Variants in CCDC50 observed in about 807,000 individuals in gnomAD.
CCDC50 encodes coiled-coil domain-containing protein 50.
A neutral mutation model predicts 70.2 loss-of-function variants in CCDC50; 54 were observed. That is an observed-to-expected ratio of 0.77 (90% CI 0.62 to 0.96). CCDC50 has a LOEUF of 0.96. CCDC50 is among the 50% of genes least tolerant of loss of function. CCDC50 has a pLI of 0.00. For missense variants in CCDC50, 558 were observed against 578.7 expected (o/e 0.96, Z 0.37); for synonymous variants, 216 against 198.8 (o/e 1.09, Z -0.73).
At chr3:191,363,697 A>AATAGCTTGCCCT in intron 4 of CCDC50, among the ~76,000 whole-genome samples, 1 of 152,264 alleles carries the variant, frequency 6.6e-6, no homozygotes, top group South Asian at 2.1e-4. Flanking sequence ...CAGGTCTCCC[A>AATAGCTTGCCCT]CTAGCTTGCC....
chr3:191,336,012 A>G (rs552190781), intron 1 of CCDC50, among the ~76,000 whole-genome samples: 97 of 152,098 alleles, frequency 6.4e-4, no homozygotes, highest in Admixed American at 1.2e-3. Flanking sequence ...AAGATCATAT[A>G]GTAAGTAGTT....
At position 191,396,499 on chromosome 3, in the gene CCDC50, G is replaced by A. The variant is rs2108682117; in HGVS notation, c.*4739G>A. ...TTCTTGGCCAAATCCTTCATACCAG[G>A]TACCACTTCTTGAGTAACTGAGAGT... On this transcript the variant is annotated 3_prime_UTR_variant, in exon 12 of 12. Transcript: ENST00000392455. 1 of 152,256 alleles carries A rather than the reference G, an allele frequency of 6.6e-6. No individual in the cohort carries two copies. The highest frequency in any genetic ancestry group is 1.9e-4 in the East Asian group (1 of 5,194). The allele number at this position is 152,256 out of a possible 1,614,324, so 9.4% of individuals were successfully genotyped here. A position where few individuals can be genotyped will look rare whatever the true frequency, so the allele number is the denominator to read the frequency against.
intron 10 of CCDC50, among the ~76,000 whole-genome samples, chr3:191,386,413 T>C (rs111535676): frequency 5.9e-5 from 9 of 152,152 alleles, no homozygotes; most frequent in African/African-American, 2.2e-4. Flanking sequence ...TTAGTAGACA[T>C]GGGGTTTCAC....
intron 1 of CCDC50, among the ~76,000 whole-genome samples, chr3:191,335,834 G>A (rs965489688): frequency 6.6e-6 from 1 of 151,962 alleles, no homozygotes; most frequent in African/African-American, 2.4e-5. Flanking sequence ...CCTTTTTAGT[G>A]TGTAGTTCTG....
chr3:191,369,589 T>C (rs2108658373), intron 4 of CCDC50, among the ~76,000 whole-genome samples: 1 of 152,342 alleles, frequency 6.6e-6, no homozygotes, highest in East Asian at 1.9e-4. Context: ...TCTAGATTTA[T>C]TGAATCATCA....
chr3:191,337,604 A>G (rs969081377), intron 1 of CCDC50, among the ~76,000 whole-genome samples: 2 of 151,986 alleles, frequency 1.3e-5, no homozygotes, highest in Non-Finnish European at 2.9e-5. Context: ...CGGCCTCCCA[A>G]AGTGCTGGGA....
At position 191,375,196 on chromosome 3, in the gene CCDC50, G is replaced by T; in HGVS notation, c.583G>T (p.Glu195Ter). Residue 195 changes from glutamate to a stop codon, truncating the protein, a stop_gained, in exon 6 of 12, where the codon GAA becomes TAA. Coordinates refer to ENST00000392455, the MANE Select transcript of CCDC50 (RefSeq NM_178335.3). LOFTEE classifies it high-confidence loss of function. Reference protein sequence around the residue: ...EHPLENLEEPEQHCSSKRSLS... With the variant: ...EHPLENLEEP ...TCCACTGGAGAACTTGGAAGAGCCA[G>T]AACAACATTGTTCATCGAAGAGATC... The T allele has an allele frequency of 6.2e-7, 1 of 1,613,768 alleles. No homozygotes were observed. The highest frequency in any genetic ancestry group is 1.1e-5 in the South Asian group (1 of 91,076).
At chr3:191,339,328 CAAAT>C (rs1711630219) in intron 1 of CCDC50, among the ~76,000 whole-genome samples, 1 of 152,146 alleles carries the variant, frequency 6.6e-6, no homozygotes, top group Non-Finnish European at 1.5e-5. Context: ...CTACGAAAAA[CAAAT>C]GTATCCTTCA....
At chr3:191,365,766 G>A (rs1712664314) in intron 4 of CCDC50, among the ~76,000 whole-genome samples, 1 of 151,988 alleles carries the variant, frequency 6.6e-6, no homozygotes, top group Admixed American at 6.6e-5. Context: ...CATTGCCATT[G>A]GAGGATAGAG....
intron 5 of CCDC50, among the ~76,000 whole-genome samples, chr3:191,371,782 A>T (rs1046669372): frequency 6.6e-6 from 1 of 152,102 alleles, no homozygotes; most frequent in Non-Finnish European, 1.5e-5. Context: ...CATTTTCTTT[A>T]TGCTGGTTTT....
At chr3:191,365,878 A>T (rs866442389) in intron 4 of CCDC50, among the ~76,000 whole-genome samples, 3 of 152,286 alleles carry the variant, frequency 2.0e-5, no homozygotes, top group Middle Eastern at 3.4e-3. Flanking sequence ...CAGATTGAGC[A>T]TCCAAAAATC....
At chr3:191,340,483 T>C (rs928433681) in intron 1 of CCDC50, among the ~76,000 whole-genome samples, 2 of 152,218 alleles carry the variant, frequency 1.3e-5, no homozygotes, top group African/African-American at 4.8e-5. Flanking sequence ...AATCTGCATG[T>C]TAATATGTTG....
In CCDC50 at chr3:191,395,289, A is replaced by G. The variant is rs565993259; in HGVS notation, c.*3529A>G. ...CTTTCTCTCAAAGTTAGAACTTTTCAGTATAAAAATAATTAGCTTTTAACT... is the reference window on the plus strand; with the variant it reads ...CTTTCTCTCAAAGTTAGAACTTTTCGGTATAAAAATAATTAGCTTTTAACT... On this transcript the variant is annotated 3_prime_UTR_variant, in exon 12 of 12. Coordinates refer to ENST00000392455, the MANE Select transcript of CCDC50 (RefSeq NM_178335.3). 1 of 152,290 alleles carries G rather than the reference A, an allele frequency of 6.6e-6. No homozygotes were observed. Among genetic ancestry groups the G allele is most frequent in the South Asian group, 2.1e-4 (1 of 4,828 alleles). 9.4% of individuals were successfully genotyped at this position (152,290 alleles called of 1,614,324 possible).
Position 191,335,158 on chromosome 3 carries a change from A to G in CCDC50, c.49+5435A>G, listed in dbSNP as rs1468227575. ...ATAAATTTTTCCTCAGTGACAAAAA[A>G]CATGTGAGTTTCATTCATAAAGAAA... On this transcript the variant is annotated intron_variant, in intron 1 of 11. Transcript: ENST00000392455. 5.3e-5 allele frequency among the ~76,000 whole-genome samples: 8 copies of G among 152,336 alleles called. No individual in the cohort carries two copies. In the East Asian group the frequency reaches 1.2e-3, roughly 22 times the overall value.
chr3:191,370,893 T>A (rs1274826996), intron 5 of CCDC50, among the ~76,000 whole-genome samples: 1 of 152,198 alleles, frequency 6.6e-6, no homozygotes, highest in Non-Finnish European at 1.5e-5. Flanking sequence ...TTTAGCGACT[T>A]GGAATGCTTT....
At chr3:191,349,468 C>A in intron 1 of CCDC50, among the ~76,000 whole-genome samples, 1 of 141,490 alleles carries the variant, frequency 7.1e-6, no homozygotes. Flanking sequence ...GAGATGAGGG[C>A]AAGTGGTAGG....
Position 191,357,074 on chromosome 3 carries a change from T to A in CCDC50, c.50-14T>A, listed in dbSNP as rs770170238. 6.3e-7 allele frequency: 1 copy of A among 1,583,082 alleles called. No individual in the cohort carries two copies. The highest frequency in any genetic ancestry group is 1.1e-5 in the South Asian group (1 of 90,246). ...AATGAGCCTTCCTGTCTGTTTTTCC[T>A]CCATCTACTCTAGTATGCCGAGATT... On this transcript the variant is annotated splice_polypyrimidine_tract_variant and intron_variant, in intron 1 of 11. Coordinates refer to ENST00000392455, the MANE Select transcript of CCDC50 (RefSeq NM_178335.3).
intron 1 of CCDC50, among the ~76,000 whole-genome samples, chr3:191,331,125 AT>A: frequency 6.6e-6 from 1 of 152,266 alleles, no homozygotes; most frequent in Non-Finnish European, 1.5e-5. Flanking sequence ...ACTTTTGGAT[AT>A]GAGGGTTTTT....
At chr3:191,364,391 C>T (rs151312834) in intron 4 of CCDC50, among the ~76,000 whole-genome samples, 369 of 151,438 alleles carry the variant, frequency 2.4e-3, no homozygotes, top group African/African-American at 7.6e-3. Flanking sequence ...TTCCCCTTCC[C>T]TCTCAATGCT....
Sources: gnomAD v4.1 joint callset for allele counts (sites outside exome capture counted in the v4.1 genomes callset) on GRCh38, gnomAD v4.1.1 for gene constraint, MANE v1.5 for transcripts, NCBI Gene and HGNC (gene_info 2026-07-23, HGNC 2026-07-21) for gene names.